Variants in SPOCK3 observed in about 807,000 individuals in gnomAD.
SPOCK3 encodes SPARC (osteonectin), cwcv and kazal like domains proteoglycan 3.
A neutral mutation model predicts 56.6 loss-of-function variants in SPOCK3; 30 were observed. That is an observed-to-expected ratio of 0.53 (90% CI 0.40 to 0.72). SPOCK3 has a LOEUF of 0.72. SPOCK3 is among the 30% of genes least tolerant of loss of function. SPOCK3 has a pLI of 0.00. For synonymous variants in SPOCK3, 196 were observed against 183.3 expected, an observed-to-expected ratio of 1.07 and a Z score of -0.56; for missense variants, 527 against 530.0, an observed-to-expected ratio of 0.99 and a Z score of 0.06.
At chr4:167,201,926 A>G (rs1031742724) in intron 2 of SPOCK3, among the ~76,000 whole-genome samples, 3 of 151,952 alleles carry the variant, frequency 2.0e-5, no homozygotes, top group Admixed American at 1.3e-4. Flanking sequence ...AGTTTTATAT[A>G]TTGTTATCAT....
chr4:167,112,970 T>A (rs995020584), intron 2 of SPOCK3, among the ~76,000 whole-genome samples: 4 of 152,110 alleles, frequency 2.6e-5, no homozygotes, highest in Admixed American at 1.3e-4. Flanking sequence ...TAACTAGATT[T>A]CCTCCCCTAT....
chr4:167,186,334 A>G (rs1373182278), intron 2 of SPOCK3, among the ~76,000 whole-genome samples: 1 of 152,220 alleles, frequency 6.6e-6, no homozygotes, highest in Non-Finnish European at 1.5e-5. Context: ...TCACATTTAA[A>G]ACAAATCTCT....
chr4:167,152,719 G>C (rs1764522883), intron 2 of SPOCK3, among the ~76,000 whole-genome samples: 1 of 152,136 alleles, frequency 6.6e-6, no homozygotes, highest in African/African-American at 2.4e-5. Context: ...TTTCTAAAAA[G>C]TAGGAAAAGT....
At chr4:166,814,294 A>T (rs968555400) in intron 6 of SPOCK3, among the ~76,000 whole-genome samples, 1 of 152,036 alleles carries the variant, frequency 6.6e-6, no homozygotes, top group Non-Finnish European at 1.5e-5. Context: ...TGTGATGATT[A>T]ATGTTAGGTG....
intron 6 of SPOCK3, among the ~76,000 whole-genome samples, chr4:166,863,889 T>G (rs1731503924): frequency 6.6e-6 from 1 of 151,976 alleles, no homozygotes; most frequent in Non-Finnish European, 1.5e-5. Flanking sequence ...GGCAGAAAAT[T>G]AAGTAGGATA....
At chr4:167,035,590 C>G (rs983684836) in intron 3 of SPOCK3, among the ~76,000 whole-genome samples, 2 of 152,126 alleles carry the variant, frequency 1.3e-5, no homozygotes, top group Non-Finnish European at 2.9e-5. Context: ...GATCATGTCT[C>G]TCACATGTGA....
intron 6 of SPOCK3, among the ~76,000 whole-genome samples, chr4:166,802,745 A>G (rs992517097): frequency 6.6e-6 from 1 of 152,160 alleles, no homozygotes; most frequent in African/African-American, 2.4e-5. Flanking sequence ...AGAGGAACTG[A>G]AAATCTAAAG....
chr4:166,752,642 T>C (rs924226964), intron 8 of SPOCK3, among the ~76,000 whole-genome samples: 2 of 150,682 alleles, frequency 1.3e-5, no homozygotes, highest in African/African-American at 4.9e-5. Flanking sequence ...TAAACAAGAA[T>C]TTCAGGAAAA....
intron 2 of SPOCK3, among the ~76,000 whole-genome samples, chr4:167,120,714 G>A (rs1221405327): frequency 6.6e-6 from 1 of 151,942 alleles, no homozygotes; most frequent in Non-Finnish European, 1.5e-5. Context: ...TAGGAAATAT[G>A]ACTTTACATG....
At chr4:167,001,981 CAG>C (rs1404682843) in intron 3 of SPOCK3, among the ~76,000 whole-genome samples, 1 of 151,944 alleles carries the variant, frequency 6.6e-6, no homozygotes, top group Non-Finnish European at 1.5e-5. Context: ...ATTTTTGAGA[CAG>C]AGTTTCTCTC....
chr4:166,911,267 GAATT>G (rs766378031), intron 5 of SPOCK3, among the ~76,000 whole-genome samples: 2 of 152,170 alleles, frequency 1.3e-5, no homozygotes, highest in Admixed American at 1.3e-4. Context: ...TTTAGTGACT[GAATT>G]AATTAAGAGC....
intron 2 of SPOCK3, among the ~76,000 whole-genome samples, chr4:167,228,103 T>C (rs562705640): frequency 1.1e-3 from 168 of 152,158 alleles, no homozygotes; most frequent in Non-Finnish European, 2.1e-3. Context: ...TAGATGGATG[T>C]TGGCTTTCTA....
intron 4 of SPOCK3, among the ~76,000 whole-genome samples, chr4:166,945,251 C>T (rs1741585011): frequency 6.6e-6 from 1 of 152,098 alleles, no homozygotes; most frequent in South Asian, 2.1e-4. Context: ...CTGGCACCCT[C>T]AGTAAATAGA....
intron 5 of SPOCK3, among the ~76,000 whole-genome samples, chr4:166,898,599 C>A (rs1186178598): frequency 2.0e-5 from 3 of 152,122 alleles, no homozygotes; most frequent in African/African-American, 7.2e-5. Flanking sequence ...CAATTCAATG[C>A]ATGCTATTCT....
intron 4 of SPOCK3, among the ~76,000 whole-genome samples, chr4:166,949,413 G>A (rs952301127): frequency 1.8e-4 from 28 of 152,146 alleles, no homozygotes; most frequent in African/African-American, 5.6e-4. Context: ...GAGGAGAGGT[G>A]CTCTGCTTTT....
intron 2 of SPOCK3, among the ~76,000 whole-genome samples, chr4:167,157,215 C>T (rs1764887091): frequency 6.6e-6 from 1 of 151,914 alleles, no homozygotes; most frequent in African/African-American, 2.4e-5. Context: ...AGTTTGTTAG[C>T]TATTATATTT....
intron 2 of SPOCK3, among the ~76,000 whole-genome samples, chr4:167,078,331 T>C (rs879290844): frequency 0.029 from 3,909 of 135,856 alleles, 86 homozygotes; most frequent in African/African-American, 0.054. Context: ...TGTGTGTGTG[T>C]GTGTGTGTGT....
intron 6 of SPOCK3, among the ~76,000 whole-genome samples, chr4:166,802,946 C>G (rs1464187428): frequency 6.6e-6 from 1 of 152,060 alleles, no homozygotes; most frequent in Non-Finnish European, 1.5e-5. Context: ...CAGGAATTGT[C>G]ATAGAGGGAC....
intron 6 of SPOCK3, among the ~76,000 whole-genome samples, chr4:166,882,393 A>G (rs570022040): frequency 6.6e-6 from 1 of 152,324 alleles, no homozygotes; most frequent in South Asian, 2.1e-4. Context: ...ACCACACTGT[A>G]CCATGGTGCT....
Sources: allele counts gnomAD v4.1 joint callset (sites outside exome capture counted in the v4.1 genomes callset), GRCh38; gene constraint gnomAD v4.1.1; transcripts MANE v1.5; gene names NCBI Gene and HGNC (gene_info 2026-07-23, HGNC 2026-07-21).